Variants in CAMK1D observed in about 807,000 individuals in gnomAD.
CAMK1D encodes calcium/calmodulin-dependent protein kinase type 1D.
Under a neutral mutation model 47.7 loss-of-function variants are expected in CAMK1D, and 9 were observed. The observed-to-expected ratio is 0.19, with a 90% CI of 0.11 to 0.33. The LOEUF is 0.33. Among genes scored for constraint, CAMK1D ranks in the 10% least tolerant of loss-of-function variants. The pLI is 1.00. For missense variants in CAMK1D, 291 were observed against 488.7 expected (o/e 0.60, Z 3.81); for synonymous variants, 184 against 184.9 (o/e 0.99, Z 0.04).
At chr10:12,560,896 T>C (rs1464971601) in intron 2 of CAMK1D, among the ~76,000 whole-genome samples, 1 of 151,186 alleles carries the variant, frequency 6.6e-6, no homozygotes, top group Non-Finnish European at 1.5e-5. Context: ...ATATTGAAAG[T>C]TACCTTGATT....
intron 1 of CAMK1D, among the ~76,000 whole-genome samples, chr10:12,369,732 G>T (rs1470127384): frequency 1.3e-5 from 2 of 152,112 alleles, no homozygotes; most frequent in East Asian, 1.9e-4. Context: ...GCCCAGGTGG[G>T]TGCGTCGCTT....
intron 1 of CAMK1D, among the ~76,000 whole-genome samples, chr10:12,399,176 A>T (rs961485023): frequency 6.6e-6 from 1 of 152,088 alleles, no homozygotes; most frequent in Non-Finnish European, 1.5e-5. Context: ...GGTGTGAGGG[A>T]GTGGGAGGTA....
Position 12,407,785 on chromosome 10 carries a change from C to T in CAMK1D, c.92+57875C>T, listed in dbSNP as rs533488291. Among the ~76,000 whole-genome samples the T allele has an allele frequency of 1.2e-4, 18 of 151,990 alleles. No individual in the cohort carries two copies. In the South Asian group the frequency reaches 3.7e-3, roughly 32 times the overall value. ...ATTCAAGCTCTAGGTACTTCCCCCC[C>T]GGGAAACACATATCCTGGGAAAAAT... is the stretch of plus-strand genomic sequence containing the variant. On this transcript the variant is annotated intron_variant, in intron 1 of 10. Coordinates refer to ENST00000619168, the MANE Select transcript of CAMK1D (RefSeq NM_153498.4).
At chr10:12,568,759 G>T (rs1837223200) in intron 2 of CAMK1D, among the ~76,000 whole-genome samples, 1 of 152,028 alleles carries the variant, frequency 6.6e-6, no homozygotes, top group African/African-American at 2.4e-5. Context: ...TTTCCTAGGG[G>T]TATATGTCCA....
At chr10:12,645,544 C>G (rs1250306411) in intron 2 of CAMK1D, among the ~76,000 whole-genome samples, 1 of 152,214 alleles carries the variant, frequency 6.6e-6, no homozygotes, top group Non-Finnish European at 1.5e-5. Context: ...TTTGCCTGCT[C>G]TCCACAGCTT....
intron 2 of CAMK1D, among the ~76,000 whole-genome samples, chr10:12,583,991 A>T (rs761885407): frequency 1.1e-4 from 16 of 151,976 alleles, no homozygotes; most frequent in Non-Finnish European, 7.4e-5. Context: ...GCCTGTCAGC[A>T]CTCTGGGATG....
rs58942223 is a variant in CAMK1D, at chr10:12,830,961, AC to A, written c.*2075del. ...CACACACACACACACACACACACACACACAATGTTATTAGGCACAGCAGCTC... is the reference window on the plus strand; with the variant it reads ...CACACACACACACACACACACACACAACAATGTTATTAGGCACAGCAGCTC... On this transcript the variant is annotated 3_prime_UTR_variant, in exon 11 of 11. Transcript: ENST00000619168. 0.25 allele frequency: 36,293 copies of A among 147,090 alleles called. 4,490 individuals are homozygous for A. Among genetic ancestry groups the A allele is most frequent in the South Asian group, 0.35 (1,660 of 4,694 alleles). The allele number at this position is 147,090 out of a possible 1,614,324, so 9.1% of individuals were successfully genotyped here.
intron 3 of CAMK1D, among the ~76,000 whole-genome samples, chr10:12,734,346 ATATATATATATATATATAT>A (rs1185221362): frequency 0.01 from 46 of 4,578 alleles, 3 homozygotes; most frequent in Admixed American, 0.03. Context: ...AAAAAAAAAA[ATATATATATATATATATAT>A]ATATATATAT....
intron 3 of CAMK1D, among the ~76,000 whole-genome samples, chr10:12,740,675 TGA>T (rs986535498): frequency 6.6e-6 from 1 of 152,100 alleles, no homozygotes; most frequent in Non-Finnish European, 1.5e-5. Context: ...CTAGAGAAGC[TGA>T]GAGTTTGAAC....
chr10:12,634,155 C>T (rs1284105293), intron 2 of CAMK1D, among the ~76,000 whole-genome samples: 1 of 152,124 alleles, frequency 6.6e-6, no homozygotes, highest in African/African-American at 2.4e-5. Flanking sequence ...ACTTTCAGTC[C>T]CATCCTGGGT....
At chr10:12,825,331 T>C (rs1398427426) in intron 9 of CAMK1D, among the ~76,000 whole-genome samples, 3 of 152,132 alleles carry the variant, frequency 2.0e-5, no homozygotes, top group Admixed American at 1.3e-4. Flanking sequence ...GTTTATTCTA[T>C]GTATTTATGA....
chr10:12,497,331 G>A (rs1399938790), intron 1 of CAMK1D, among the ~76,000 whole-genome samples: 2 of 152,118 alleles, frequency 1.3e-5, no homozygotes, highest in African/African-American at 2.4e-5. Context: ...ACAAAAATTA[G>A]CCTGGTGTGG....
chr10:12,425,247 G>A (rs1256580925), intron 1 of CAMK1D, among the ~76,000 whole-genome samples: 3 of 151,598 alleles, frequency 2.0e-5, no homozygotes, highest in Admixed American at 1.3e-4. Flanking sequence ...TTCAGCACTA[G>A]ATAAGGTGCC....
chr10:12,352,035 T>C (rs183272294), intron 1 of CAMK1D, among the ~76,000 whole-genome samples: 41 of 152,350 alleles, frequency 2.7e-4, no homozygotes, highest in Admixed American at 2.5e-3. Context: ...GTGCCTTATG[T>C]GTATTAACTC....
chr10:12,693,989 A>G (rs866765780), intron 3 of CAMK1D, among the ~76,000 whole-genome samples: 1,065 of 72,608 alleles, frequency 0.015, 39 homozygotes, highest in African/African-American at 0.054. Context: ...TATTATATAT[A>G]CATATAATAT....
intron 1 of CAMK1D, among the ~76,000 whole-genome samples, chr10:12,544,266 A>G (rs1463504310): frequency 2.6e-5 from 4 of 152,252 alleles, no homozygotes; most frequent in Admixed American, 1.3e-4. Context: ...TTTAAATAGA[A>G]TAATGGCTTT....
At chr10:12,510,858 A>G (rs1261494794) in intron 1 of CAMK1D, among the ~76,000 whole-genome samples, 2 of 152,238 alleles carry the variant, frequency 1.3e-5, no homozygotes, top group Admixed American at 6.5e-5. Flanking sequence ...AGCCTGGAAA[A>G]GCCTTAATTC....
intron 2 of CAMK1D, among the ~76,000 whole-genome samples, chr10:12,599,612 G>A (rs1333781183): frequency 6.6e-6 from 1 of 152,210 alleles, no homozygotes. Context: ...TAGAAAGAGA[G>A]CAACGTGAAC....
chr10:12,411,004 T>C (rs1839637332), intron 1 of CAMK1D, among the ~76,000 whole-genome samples: 1 of 152,118 alleles, frequency 6.6e-6, no homozygotes, highest in Non-Finnish European at 1.5e-5. Context: ...TAGCCTACAC[T>C]CTTCCTGTCT....
Sources: gnomAD v4.1 joint callset for allele counts (sites outside exome capture counted in the v4.1 genomes callset) on GRCh38, gnomAD v4.1.1 for gene constraint, MANE v1.5 for transcripts, NCBI Gene and HGNC (gene_info 2026-07-23, HGNC 2026-07-21) for gene names.